GMIP: variants seen among roughly 807,000 people sequenced by gnomAD.
GMIP encodes the protein GEM interacting protein.
A neutral mutation model predicts 105.3 loss-of-function variants in GMIP; 54 were observed. The observed-to-expected ratio is 0.51, with a 90% CI of 0.41 to 0.64. The LOEUF (loss-of-function observed/expected upper bound fraction) is 0.64. Among genes scored for constraint, GMIP ranks in the 30% least tolerant of loss-of-function variants. The pLI is 0.00. For missense variants in GMIP, 1,110 were observed against 1,319.4 expected (o/e 0.84, Z 2.46); for synonymous variants, 541 against 560.8 (o/e 0.96, Z 0.50).
chr19:19,643,539 C>A lies in GMIP; in HGVS notation c.-10G>T. 4 of 1,546,980 alleles carry A rather than the reference C, an allele frequency of 2.6e-6. No individual in the cohort carries two copies. Among genetic ancestry groups the A allele is most frequent in the Non-Finnish European group, 3.5e-6 (4 of 1,144,992 alleles). ...GCTCTGCTGCGTCCATATCTGGGCC[C>A]GGGGATCGCTCTGCAGGGACCGGGA... On this transcript the variant is annotated 5_prime_UTR_variant, in exon 1 of 21. Transcript: ENST00000203556.
intron 3 of GMIP, 21 bp downstream of exon 3, chr19:19,641,955 G>A (rs775469253): frequency 8.1e-6 from 13 of 1,606,070 alleles, no homozygotes; most frequent in Non-Finnish European, 1.1e-5. Flanking sequence ...CTTCCTCCCT[G>A]TTCCCCTACT....
Position 19,637,715 on chromosome 19 carries a change from A to T in GMIP, c.928-154T>A, listed in dbSNP as rs1172609952. Among the ~76,000 whole-genome samples the T allele has an allele frequency of 1.3e-5, 2 of 152,164 alleles. No individual in the cohort carries two copies. Among genetic ancestry groups the T allele is most frequent in the East Asian group, 3.9e-4 (2 of 5,180 alleles). On this transcript the variant is annotated intron_variant, in intron 10 of 20. Transcript: ENST00000203556. This position sits in a 1 kb window ranked among gnomAD's most constrained non-coding sequence, Gnocchi z 6.7. ...ACTAGGGCAGTCGGCCAGGGGACCC[A>T]GGCATGGTCAGAGCAGGGGCTGGTC...
chr19:19,641,673 G>A (rs1441350564), intron 4 of GMIP, 137 bp downstream of exon 4: 5 of 736,068 alleles, frequency 6.8e-6, no homozygotes, highest in Non-Finnish European at 1.2e-5. Flanking sequence ...CTGAGGGCTG[G>A]GACTGAGATC....
chr19:19,638,055 C>G lies in GMIP; in HGVS notation c.792G>C (p.Ala264=), dbSNP rs778149370. The G allele has an allele frequency of 3.2e-6, 5 of 1,563,138 alleles. No individual in the cohort carries two copies. Among genetic ancestry groups the G allele is most frequent in the Non-Finnish European group, 4.3e-6 (5 of 1,156,430 alleles). The change falls in exon 10 of 21, where the codon GCG becomes GCC. Residue 264 remains alanine, a splice_region_variant and synonymous_variant. Coordinates refer to ENST00000203556, the MANE Select transcript of GMIP (RefSeq NM_016573.4). ...CCTGGTACAGCGCCTCGGCCTCCTG[C>G]GCCTGGGGAAACGGGAGGCCAGGAG... ...RRSREEAQAK[A]QEAEALYQAC...
chr19:19,641,151 C>A (rs890745404), intron 4 of GMIP, among the ~76,000 whole-genome samples: 2 of 149,556 alleles, frequency 1.3e-5, no homozygotes, highest in Non-Finnish European at 3.0e-5. Flanking sequence ...CCCTATTTTG[C>A]CTCACTGCAA....
rs774380515 is a variant in GMIP, at chr19:19,630,555, A to C, written c.2473-18T>G. The C allele has an allele frequency of 6.2e-7, 1 of 1,602,194 alleles. No individual in the cohort carries two copies. The highest frequency in any genetic ancestry group is 1.7e-5 in the Admixed American group (1 of 59,990). ...GTTGGAATCTGCAGGGAGAAACCCA[A>C]GAATGAGACCCCAACACTAAAATCC... On this transcript the variant is annotated intron_variant, in intron 19 of 20. Coordinates refer to ENST00000203556, the MANE Select transcript of GMIP (RefSeq NM_016573.4). This position sits in a 1 kb window ranked among gnomAD's most constrained non-coding sequence, Gnocchi z 4.8.
chr19:19,637,673 A>T lies in GMIP; in HGVS notation c.928-112T>A, dbSNP rs1398208603. The T allele has an allele frequency of 8.3e-6, 8 of 961,798 alleles. No homozygotes were observed. In the East Asian group the frequency reaches 2.3e-4, roughly 27 times the overall value. The allele number at this position is 961,798 out of a possible 1,614,324, so 59.6% of individuals were successfully genotyped here. Reference sequence around the variant, plus strand: ...CGAACGTGGTCAGGGTTTGGGACGCACCTGGGCGGCTTAGGAACTAGGGCA... The same window carrying T: ...CGAACGTGGTCAGGGTTTGGGACGCTCCTGGGCGGCTTAGGAACTAGGGCA... On this transcript the variant is annotated intron_variant, in intron 10 of 20. Coordinates refer to ENST00000203556, the MANE Select transcript of GMIP (RefSeq NM_016573.4). The surrounding 1 kb of genome is among the most constrained non-coding windows in gnomAD (Gnocchi z 6.7).
chr19:19,635,311 T>A lies in GMIP; in HGVS notation c.1561-98A>T. ...AAGGAATGGGGGCTCATGGGAGACA[T>A]CAGGTTAGGGTGGGTCCCAGGGGCA... On this transcript the variant is annotated intron_variant, in intron 15 of 20. Transcript: ENST00000203556. This position sits in a 1 kb window ranked among gnomAD's most constrained non-coding sequence, Gnocchi z 4.7. The A allele has an allele frequency of 6.6e-7, 1 of 1,522,010 alleles. No homozygotes were observed. The highest frequency in any genetic ancestry group is 9.0e-7 in the Non-Finnish European group (1 of 1,110,128). 94.3% of individuals were successfully genotyped at this position (1,522,010 alleles called of 1,614,324 possible). A position where few individuals can be genotyped will look rare whatever the true frequency, so the allele number is the denominator to read the frequency against.
At chr19:19,636,111 C>T (rs556076717) in intron 13 of GMIP, among the ~76,000 whole-genome samples, 1 of 150,284 alleles carries the variant, frequency 6.7e-6, no homozygotes, top group South Asian at 2.1e-4. Context: ...GGCTGAGGCA[C>T]GAGAATCGCT....
intron 4 of GMIP, among the ~76,000 whole-genome samples, chr19:19,641,376 C>T (rs1309208258): frequency 2.6e-5 from 4 of 152,004 alleles, no homozygotes; most frequent in Non-Finnish European, 4.4e-5. Flanking sequence ...CCACTGCGTC[C>T]GGCCTTGTGT....
Position 19,637,628 on chromosome 19 carries a change from G to A in GMIP, c.928-67C>T. 7.7e-7 allele frequency: 1 copy of A among 1,291,136 alleles called. No individual in the cohort carries two copies. Among genetic ancestry groups the A allele is most frequent in the Non-Finnish European group, 1.0e-6 (1 of 967,328 alleles). The allele number at this position is 1,291,136 out of a possible 1,614,324, so 80.0% of individuals were successfully genotyped here. On this transcript the variant is annotated intron_variant, in intron 10 of 20. Coordinates refer to ENST00000203556, the MANE Select transcript of GMIP (RefSeq NM_016573.4). This position sits in a 1 kb window ranked among gnomAD's most constrained non-coding sequence, Gnocchi z 6.7. Reference sequence around the variant, plus strand: ...GGAGCCTGGGGGCAGGGCCAGAGCTGGGGCGGGGCTTGAGAGACGCGAACG... The same window carrying A: ...GGAGCCTGGGGGCAGGGCCAGAGCTAGGGCGGGGCTTGAGAGACGCGAACG...
chr19:19,642,136 G>A, intron 2 of GMIP, 85 bp from the exon 3 acceptor site: 2 of 778,338 alleles, frequency 2.6e-6, no homozygotes, highest in Non-Finnish European at 4.2e-6. Context: ...GTTGTTTGTG[G>A]CAAACATCAC....
At chr19:19,639,136 A>G (rs1239050686) in intron 7 of GMIP, among the ~76,000 whole-genome samples, 1 of 151,618 alleles carries the variant, frequency 6.6e-6, no homozygotes, top group East Asian at 2.0e-4. Flanking sequence ...GGATCTCACT[A>G]TGTTGCCCAG....
Position 19,633,911 on chromosome 19 carries a change from G to A in GMIP, c.2364C>T (p.Pro788=). 1 of 1,535,992 alleles carries A rather than the reference G, an allele frequency of 6.5e-7. No homozygotes were observed. Among genetic ancestry groups the A allele is most frequent in the Non-Finnish European group, 8.8e-7 (1 of 1,136,112 alleles). ...GCTGGGAGTCTGGGTCAAGGTGCGG[G>A]GGTGGCGGTTGGGAGCTGGTTGTGA... is the stretch of plus-strand genomic sequence containing the variant. The part of the protein sequence containing the change: ...GPLTTSSQPP[P]PHLDPDSQPP... The change falls in exon 19 of 21, where the codon CCC becomes CCT. Residue 788 remains proline (P), a synonymous_variant. Transcript: ENST00000203556.
At position 19,630,621 on chromosome 19, in the gene GMIP, G is replaced by T; in HGVS notation, c.2473-84C>A. 1 of 1,243,760 alleles carries T rather than the reference G, an allele frequency of 8.0e-7. No homozygotes were observed. The highest frequency in any genetic ancestry group is 1.2e-6 in the Non-Finnish European group (1 of 846,132). The allele number at this position is 1,243,760 out of a possible 1,614,324, so 77.0% of individuals were successfully genotyped here. A position where few individuals can be genotyped will look rare whatever the true frequency, so the allele number is the denominator to read the frequency against. ...CCTGGAGAGCCAAGGGCTTGTTCCT[G>T]GACATGCAAAAGGAATAGCCAGTGC... is the stretch of plus-strand genomic sequence containing the variant. On this transcript the variant is annotated intron_variant, in intron 19 of 20. Coordinates refer to ENST00000203556, the MANE Select transcript of GMIP (RefSeq NM_016573.4). The surrounding 1 kb of genome is among the most constrained non-coding windows in gnomAD (Gnocchi z 4.8).
Position 19,638,279 on chromosome 19 carries a change from G to T in GMIP, c.669C>A (p.Arg223=). 1 of 1,610,224 alleles carries T rather than the reference G, an allele frequency of 6.2e-7. No homozygotes were observed. The highest frequency in any genetic ancestry group is 8.5e-7 in the Non-Finnish European group (1 of 1,179,882). The change falls in exon 9 of 21, where the codon CGC becomes CGA. Residue 223 remains arginine, a synonymous_variant. Transcript: ENST00000203556. The part of the protein sequence containing the change: ...LRRAQLQYVQ[R]SEDLRARSQG... Reference sequence around the variant, plus strand: ...GGGAGCGTGCCCGCAGGTCCTCGCTGCGTTGCACATACTGCAGCTGGGCGC... The same window carrying T: ...GGGAGCGTGCCCGCAGGTCCTCGCTTCGTTGCACATACTGCAGCTGGGCGC...
At chr19:19,642,737 A>C in intron 1 of GMIP, 118 bp from the exon 2 acceptor site, 9 of 464,452 alleles carry the variant, frequency 1.9e-5, no homozygotes, top group East Asian at 3.4e-5. Flanking sequence ...AGAGAAAGAG[A>C]GGGCTGGGGG....
Position 19,634,598 on chromosome 19 carries a change from G to T in GMIP, c.1993C>A (p.Pro665Thr), listed in dbSNP as rs1310560024. 7.4e-6 allele frequency: 12 copies of T among 1,613,552 alleles called. No individual in the cohort carries two copies. Among genetic ancestry groups the T allele is most frequent in the Admixed American group, 1.7e-5 (1 of 59,844 alleles). Reference protein sequence around the residue: ...GDDPGTPSPSPEVIRSLKTLL... With the variant: ...GDDPGTPSPSTEVIRSLKTLL... Reference sequence around the variant, plus strand: ...GTCTTCAGCGAGCGGATAACCTCAGGGCTGGGGCTGGGGGTCCCAGGGTCG... The same window carrying T: ...GTCTTCAGCGAGCGGATAACCTCAGTGCTGGGGCTGGGGGTCCCAGGGTCG... Residue 665 changes from proline to threonine, a missense_variant, in exon 18 of 21, where the codon CCT becomes ACT. Coordinates refer to ENST00000203556, the MANE Select transcript of GMIP (RefSeq NM_016573.4). The surrounding 1 kb of genome is among the most constrained non-coding windows in gnomAD (Gnocchi z 6.1).
At position 19,630,502 on chromosome 19, in the gene GMIP, C is replaced by T. The variant is rs35540998; in HGVS notation, c.2508G>A (p.Val836=). ...CTCCCCCATCTTTGGTGTCTTCAGC[C>T]ACGTCCTCTCTCTGGTCACTCTGTG... is the stretch of plus-strand genomic sequence containing the variant. The part of the protein sequence containing the change: ...PTPQSDQRED[V]AEDTKDGGGE... The change falls in exon 20 of 21, where the codon GTG becomes GTA. Residue 836 remains valine, a synonymous_variant. Transcript: ENST00000203556. The surrounding 1 kb of genome is among the most constrained non-coding windows in gnomAD (Gnocchi z 4.8). The T allele has an allele frequency of 3.7e-6, 6 of 1,613,968 alleles. No individual in the cohort carries two copies. The African/African-American group carries it at 4.0e-5, about 11-fold the overall frequency.
Sources: allele counts gnomAD v4.1 joint callset (sites outside exome capture counted in the v4.1 genomes callset), GRCh38; gene constraint gnomAD v4.1.1; non-coding constraint Gnocchi (gnomAD v3.1); transcripts MANE v1.5; gene names NCBI Gene and HGNC (gene_info 2026-07-23, HGNC 2026-07-21).